PCSK5: variants seen among roughly 807,000 people sequenced by gnomAD.
PCSK5 encodes the protein proprotein convertase subtilisin/kexin type 5.
A neutral mutation model predicts 233.2 loss-of-function variants in PCSK5; 129 were observed. The observed-to-expected ratio is 0.55, with a 90% CI of 0.48 to 0.64. The LOEUF (loss-of-function observed/expected upper bound fraction) is 0.64, where lower values mean the gene tolerates loss of function less well. Among genes scored for constraint, PCSK5 ranks in the 30% least tolerant of loss-of-function variants. PCSK5 has a pLI of 0.00. For synonymous variants in PCSK5, 825 were observed against 879.2 expected (o/e 0.94, Z 1.09); for missense variants, 2,076 against 2,430.1 (o/e 0.85, Z 3.06).
rs889882244 is a variant in PCSK5 at position 75,932,627 on chromosome 9, C to A, written c.297+144C>A. Reference sequence around the variant, plus strand: ...ATCCTTTGGTCTAGTGTCTATGCTTCCTCTTTAGACAAAACTAGGCAGTGG... The same window carrying A: ...ATCCTTTGGTCTAGTGTCTATGCTTACTCTTTAGACAAAACTAGGCAGTGG... On this transcript the variant is annotated intron_variant, in intron 2 of 37. Transcript: ENST00000674117. 2.8e-5 allele frequency: 17 copies of A among 612,108 alleles called. No individual in the cohort carries two copies. The South Asian group carries it at 3.6e-4, about 13-fold the overall frequency. The allele number at this position is 612,108 out of a possible 1,614,324, so 37.9% of individuals were successfully genotyped here.
chr9:76,124,638 C>A (rs143336089), intron 9 of PCSK5, among the ~76,000 whole-genome samples: 6,298 of 149,844 alleles, frequency 0.042, 188 homozygotes, highest in Non-Finnish European at 0.055. Flanking sequence ...CCCAGCTACT[C>A]GGGAGGCTGA....
chr9:75,926,972 T>G (rs958217644), intron 1 of PCSK5, among the ~76,000 whole-genome samples: 8 of 152,214 alleles, frequency 5.3e-5, no homozygotes, highest in African/African-American at 1.7e-4. Flanking sequence ...TTAATTTCTT[T>G]TGGGTAAATA....
chr9:76,033,450 T>C (rs1028953075), intron 5 of PCSK5, among the ~76,000 whole-genome samples: 1 of 152,168 alleles, frequency 6.6e-6, no homozygotes, highest in Admixed American at 6.5e-5. Context: ...CTAATACTTT[T>C]GCAAAATAAC....
At chr9:75,918,378 A>G (rs984919338) in intron 1 of PCSK5, among the ~76,000 whole-genome samples, 1 of 152,204 alleles carries the variant, frequency 6.6e-6, no homozygotes, top group Admixed American at 6.5e-5. Context: ...GATTCAGTTA[A>G]GGTGGGGCTC....
chr9:75,931,248 CTTTTT>C (rs3074142), intron 1 of PCSK5, among the ~76,000 whole-genome samples: 8 of 130,466 alleles, frequency 6.1e-5, no homozygotes, highest in Non-Finnish European at 6.4e-5. Context: ...TGGGCCAAGA[CTTTTT>C]TTTTTTTTTT....
At chr9:76,028,544 GT>G (rs1355843219) in intron 5 of PCSK5, among the ~76,000 whole-genome samples, 2 of 152,230 alleles carry the variant, frequency 1.3e-5, no homozygotes, top group Non-Finnish European at 2.9e-5. Flanking sequence ...GGCAGAAATG[GT>G]TGAGCCAGAT....
chr9:76,153,096 C>T (rs1396340539), intron 10 of PCSK5, among the ~76,000 whole-genome samples: 1 of 152,132 alleles, frequency 6.6e-6, no homozygotes, highest in Non-Finnish European at 1.5e-5. Context: ...TTTGTGAGAC[C>T]TCAACTGATA....
At chr9:76,354,969 G>T (rs1370703101) in intron 37 of PCSK5, among the ~76,000 whole-genome samples, 1 of 152,178 alleles carries the variant, frequency 6.6e-6, no homozygotes, top group African/African-American at 2.4e-5. Flanking sequence ...TTCTGTTGAA[G>T]AATCATTCTA....
Position 76,257,730 on chromosome 9 carries a change from T to C in PCSK5, c.3142+17046T>C, listed in dbSNP as rs545504051. On this transcript the variant is annotated intron_variant, in intron 24 of 37. Transcript: ENST00000674117. ...CAGGGCCATGCCTCACTGATCACCC[T>C]TTGGCCAAGTACCCCAAATTGAAGC... Among the ~76,000 whole-genome samples, 4 of 152,290 alleles carry C rather than the reference T, an allele frequency of 2.6e-5. No individual in the cohort carries two copies. The South Asian group carries it at 8.3e-4, about 32-fold the overall frequency.
intron 20 of PCSK5, among the ~76,000 whole-genome samples, chr9:76,220,644 G>A (rs544196968): frequency 7.1e-6 from 1 of 140,944 alleles, no homozygotes; most frequent in African/African-American, 2.6e-5. Flanking sequence ...AAAAAAAATT[G>A]ACACATAAAA....
chr9:76,207,632 T>C (rs1003317603), intron 20 of PCSK5, among the ~76,000 whole-genome samples: 15 of 152,196 alleles, frequency 9.9e-5, no homozygotes, highest in Non-Finnish European at 2.1e-4. Flanking sequence ...GGGATCTAAA[T>C]GAGGGAGCAA....
chr9:75,965,261 ATGTGTGTGTGTGTGTG>A (rs71372035), intron 2 of PCSK5, among the ~76,000 whole-genome samples: 24,930 of 149,746 alleles, frequency 0.17, 2,108 homozygotes, highest in East Asian at 0.26. Context: ...ATGTGTGTAT[ATGTGTGTGTGTGTGTG>A]TGTGTGTGTG....
chr9:75,996,965 A>G (rs1827048650), intron 3 of PCSK5, among the ~76,000 whole-genome samples: 1 of 152,152 alleles, frequency 6.6e-6, no homozygotes, highest in Non-Finnish European at 1.5e-5. Context: ...CTTTTATCAA[A>G]CAGCTGCTCT....
At chr9:76,077,473 G>A (rs1025385277) in intron 7 of PCSK5, among the ~76,000 whole-genome samples, 4 of 152,040 alleles carry the variant, frequency 2.6e-5, no homozygotes, top group South Asian at 2.1e-4. Flanking sequence ...GGTTTGTTAC[G>A]TGGGTAAATT....
At chr9:75,962,284 C>T (rs1451383949) in intron 2 of PCSK5, among the ~76,000 whole-genome samples, 2 of 152,136 alleles carry the variant, frequency 1.3e-5, no homozygotes, top group African/African-American at 4.8e-5. Context: ...TCCTTTAGCT[C>T]ATTCAGAAAG....
At position 76,041,673 on chromosome 9, in the gene PCSK5, C is replaced by T. The variant is rs369895018; in HGVS notation, c.632+14636C>T. Among the ~76,000 whole-genome samples the T allele has an allele frequency of 3.9e-5, 6 of 152,094 alleles. No individual in the cohort carries two copies. In the East Asian group the frequency reaches 7.8e-4, roughly 20 times the overall value. ...TGGCCAATATGGTGAAACCCCGTCT[C>T]TACTAAAAATACAAAAATTAGCCAG... On this transcript the variant is annotated intron_variant, in intron 5 of 37. Transcript: ENST00000674117.
chr9:75,897,105 T>C (rs1294251232), intron 1 of PCSK5, among the ~76,000 whole-genome samples: 1 of 152,056 alleles, frequency 6.6e-6, no homozygotes, highest in Non-Finnish European at 1.5e-5. Context: ...CCTCATAGAG[T>C]TGCTGTGAAA....
chr9:75,995,767 ACACACACACACACACT>A (rs1188247435), intron 3 of PCSK5, among the ~76,000 whole-genome samples: 1 of 151,844 alleles, frequency 6.6e-6, no homozygotes, highest in Non-Finnish European at 1.5e-5. Context: ...ACACACACAC[ACACACACACACACACT>A]CACACCTCTC....
intron 3 of PCSK5, among the ~76,000 whole-genome samples, chr9:75,993,515 C>A (rs543297484): frequency 6.6e-6 from 1 of 152,236 alleles, no homozygotes; most frequent in South Asian, 2.1e-4. Context: ...TGATCTCCAG[C>A]CAAGAGCTAC....
Sources: allele counts gnomAD v4.1 joint callset (sites outside exome capture counted in the v4.1 genomes callset), GRCh38; gene constraint gnomAD v4.1.1; transcripts MANE v1.5; gene names NCBI Gene and HGNC (gene_info 2026-07-23, HGNC 2026-07-21).